KLF8: variants seen among roughly 807,000 people sequenced by gnomAD.
KLF8 encodes KLF transcription factor 8.
A neutral mutation model predicts 18.2 loss-of-function variants in KLF8; 10 were observed. The observed-to-expected ratio is 0.55, with a 90% CI of 0.34 to 0.93. The LOEUF (loss-of-function observed/expected upper bound fraction) is 0.93. Among genes scored for constraint, KLF8 ranks in the 40% least tolerant of loss-of-function variants. The probability of loss-of-function intolerance (pLI) is 0.02; values close to 1 mark genes in which losing one functional copy is unlikely to be tolerated. For missense variants in KLF8, 264 were observed against 277.9 expected, an observed-to-expected ratio of 0.95 and a Z score of 0.36; for synonymous variants, 109 against 97.3, an observed-to-expected ratio of 1.12 and a Z score of -0.71.
At chrX:55,929,396 CT>C in the KLF8 span, among the ~76,000 whole-genome samples, 54 of 112,263 alleles carry the variant, frequency 4.8e-4, no homozygotes, top group Non-Finnish European at 9.0e-4. Context: ...TCAATTTTGG[CT>C]TTTGTTGCCA....
chrX:55,951,439 G>C, the KLF8 span, among the ~76,000 whole-genome samples: 5 of 102,111 alleles, frequency 4.9e-5, no homozygotes, highest in Non-Finnish European at 3.9e-5. Flanking sequence ...CCATGCCATT[G>C]CACTCCAGCC....
the KLF8 span, among the ~76,000 whole-genome samples, chrX:56,005,308 G>A: frequency 9.0e-6 from 1 of 111,630 alleles, no homozygotes; most frequent in Non-Finnish European, 1.9e-5. Context: ...GTGCTTTGTC[G>A]GGATGGTGGC....
At chrX:55,992,690 A>G in the KLF8 span, among the ~76,000 whole-genome samples, 1 of 112,119 alleles carries the variant, frequency 8.9e-6, no homozygotes, top group Non-Finnish European at 1.9e-5. Flanking sequence ...GCTTTTTGGA[A>G]TATGGCCATT....
the KLF8 span, among the ~76,000 whole-genome samples, chrX:56,184,731 C>G: frequency 1.8e-5 from 2 of 112,043 alleles, no homozygotes; most frequent in Non-Finnish European, 3.8e-5. Flanking sequence ...TTCCGCTGTT[C>G]TGCAGCCACT....
chrX:56,006,104 TA>T, the KLF8 span, among the ~76,000 whole-genome samples: 2 of 112,065 alleles, frequency 1.8e-5, no homozygotes, highest in Non-Finnish European at 3.8e-5. Flanking sequence ...TAGAGGAATA[TA>T]GCAACCTTTG....
chrX:56,192,782 C>T, the KLF8 span, among the ~76,000 whole-genome samples: 3 of 112,409 alleles, frequency 2.7e-5, no homozygotes, highest in South Asian at 1.1e-3. Context: ...AAACCAGACC[C>T]CTTTCTCTCA....
the KLF8 span, among the ~76,000 whole-genome samples, chrX:56,153,042 T>C: frequency 8.9e-6 from 1 of 112,230 alleles, no homozygotes; most frequent in African/African-American, 3.2e-5. Context: ...GTATGTGACT[T>C]GTATTTATCA....
the KLF8 span, among the ~76,000 whole-genome samples, chrX:55,969,134 T>A: frequency 8.9e-6 from 1 of 111,883 alleles, no homozygotes; most frequent in Non-Finnish European, 1.9e-5. Flanking sequence ...AACATTCAAT[T>A]GAATGGCTGC....
At chrX:56,187,545 C>T in the KLF8 span, among the ~76,000 whole-genome samples, 1 of 111,619 alleles carries the variant, frequency 9.0e-6, no homozygotes, top group Non-Finnish European at 1.9e-5. Flanking sequence ...CATCCTGATA[C>T]CAAAGCCGGG....
intron 3 of KLF8, chrX:56,266,516 A>G: frequency 2.7e-6 from 2 of 749,563 alleles, no homozygotes. Flanking sequence ...GAACAAACAA[A>G]CTTGAAAATT....
At chrX:56,166,142 T>TC in the KLF8 span, among the ~76,000 whole-genome samples, 2 of 109,404 alleles carry the variant, frequency 1.8e-5, no homozygotes, top group African/African-American at 6.6e-5. Flanking sequence ...CTTTATTTTT[T>TC]TTTTTTTTGA....
chrX:56,095,375 A>T, the KLF8 span, among the ~76,000 whole-genome samples: 1 of 112,881 alleles, frequency 8.9e-6, no homozygotes, highest in South Asian at 3.5e-4. Context: ...ACACTAGAAG[A>T]AAACTCAGGA....
chrX:56,160,309 C>A, the KLF8 span, among the ~76,000 whole-genome samples: 2 of 111,661 alleles, frequency 1.8e-5, no homozygotes, highest in Admixed American at 1.9e-4. Context: ...TTACTTCCAA[C>A]TATGTGGTCA....
chrX:55,912,072 A>G, the KLF8 span, among the ~76,000 whole-genome samples: 1 of 111,881 alleles, frequency 8.9e-6, no homozygotes, highest in Non-Finnish European at 1.9e-5. Flanking sequence ...ACTTGCTTAG[A>G]GTTGAGGTTG....
At chrX:56,209,512 C>T in the KLF8 span, among the ~76,000 whole-genome samples, 6 of 111,055 alleles carry the variant, frequency 5.4e-5, no homozygotes, top group South Asian at 3.9e-4. Flanking sequence ...GCCTGTAATC[C>T]CAGCTCCTCG....
chrX:56,214,004 T>C, the KLF8 span, among the ~76,000 whole-genome samples: 1 of 111,403 alleles, frequency 9.0e-6, no homozygotes, highest in South Asian at 3.8e-4. Flanking sequence ...CAGGAAGGTA[T>C]GCTTCCCCTG....
At chrX:56,051,232 T>C in the KLF8 span, among the ~76,000 whole-genome samples, 2 of 111,516 alleles carry the variant, frequency 1.8e-5, no homozygotes, top group East Asian at 2.8e-4. Context: ...AATTTGCCAG[T>C]CTGTGTCTTT....
At chrX:55,962,378 G>T in the KLF8 span, 1 of 218,225 alleles carries the variant, frequency 4.6e-6, no homozygotes, top group South Asian at 6.5e-5. Context: ...GCTGACCAAT[G>T]AGTTCTCCAT....
At chrX:56,189,217 A>G in the KLF8 span, among the ~76,000 whole-genome samples, 45 of 112,196 alleles carry the variant, frequency 4.0e-4, no homozygotes, top group African/African-American at 1.4e-3. Flanking sequence ...GAAGGACATG[A>G]ACAGACACTT....
Sources: allele counts gnomAD v4.1 joint callset (sites outside exome capture counted in the v4.1 genomes callset), GRCh38; gene constraint gnomAD v4.1.1; transcripts MANE v1.5; gene names NCBI Gene and HGNC (gene_info 2026-07-23, HGNC 2026-07-21).